The following GPC4 variants were observed in gnomAD, a reference collection of about 807,000 sequenced individuals.
GPC4 encodes the protein glypican-4.
Under a neutral mutation model 35.0 loss-of-function variants are expected in GPC4, and 10 were observed. The ratio of observed to expected loss-of-function variants is 0.29; its 90% CI spans 0.18 to 0.48. The LOEUF (loss-of-function observed/expected upper bound fraction) is 0.48. Among genes scored for constraint, GPC4 ranks in the 20% least tolerant of loss-of-function variants. The pLI, the probability that GPC4 is intolerant of heterozygous loss-of-function variation, is 0.99. For missense variants in GPC4, 322 were observed against 451.3 expected (o/e 0.71, Z 2.60); for synonymous variants, 167 against 170.2 (o/e 0.98, Z 0.15).
At chrX:133,377,877 CTTTTTTT>C (rs59474368) in intron 1 of GPC4, among the ~76,000 whole-genome samples, 3 of 86,192 alleles carry the variant, frequency 3.5e-5, no homozygotes, top group African/African-American at 1.3e-4. Flanking sequence ...TTTTCTTTTT[CTTTTTTT>C]TTTTCTTTTT....
intron 1 of GPC4, chrX:133,414,558 C>A (rs2092431507): frequency 1.3e-6 from 1 of 751,827 alleles, no homozygotes; most frequent in Admixed American, 8.7e-5. Context: ...GACAGTCGCA[C>A]TGGGCAACCC....
intron 1 of GPC4, among the ~76,000 whole-genome samples, chrX:133,367,870 C>A (rs1195186559): frequency 9.0e-6 from 1 of 111,435 alleles, no homozygotes; most frequent in Non-Finnish European, 1.9e-5. Flanking sequence ...CAGACTCTGT[C>A]TCCAAACAAG....
intron 1 of GPC4, among the ~76,000 whole-genome samples, chrX:133,411,801 C>T (rs778245962): frequency 1.3e-3 from 144 of 110,910 alleles, no homozygotes; most frequent in Non-Finnish European, 2.2e-3. Context: ...GATCATGGCA[C>T]CTGGACTCAG....
Position 133,305,809 on chromosome X carries a change from C to T in GPC4, c.1118G>A (p.Arg373His), listed in dbSNP as rs2068287692. ...ACTAGTGCCAGCTGCTGTGGTTGGG[C>T]GTTCCTCGGGGTGATGTGGTCTGAA... ...ARFRPHHPEERPTTAAGTSLD... is the reference protein window; with the variant it reads ...ARFRPHHPEEHPTTAAGTSLD... Residue 373 changes from arginine (R) to histidine (H), a missense_variant, in exon 6 of 9, where the codon CGC becomes CAC. Physicochemically the swap from Arg to His is conservative, Grantham distance 29. Coordinates refer to ENST00000370828, the MANE Select transcript of GPC4 (RefSeq NM_001448.3). 1 of 1,211,784 alleles carries T rather than the reference C, an allele frequency of 8.3e-7. No homozygotes were observed. Among genetic ancestry groups the T allele is most frequent in the Non-Finnish European group, 1.1e-6 (1 of 895,562 alleles).
At chrX:133,410,742 A>T (rs1406825915) in intron 1 of GPC4, among the ~76,000 whole-genome samples, 1 of 112,574 alleles carries the variant, frequency 8.9e-6, no homozygotes, top group Non-Finnish European at 1.9e-5. Context: ...GAAAACAGTA[A>T]TTATGCTGAA....
chrX:133,377,987 C>CG (rs2068643149), intron 1 of GPC4, among the ~76,000 whole-genome samples: 1 of 105,543 alleles, frequency 9.5e-6, no homozygotes, highest in Non-Finnish European at 1.9e-5. Flanking sequence ...TTTAACCTCC[C>CG]GGGTTCACGC....
At chrX:133,403,600 C>A (rs2068774970) in intron 1 of GPC4, among the ~76,000 whole-genome samples, 1 of 111,071 alleles carries the variant, frequency 9.0e-6, no homozygotes, top group Non-Finnish European at 1.9e-5. Context: ...AACAAAAAGT[C>A]ATGCTTAACG....
At chrX:133,361,966 A>T (rs149495048) in intron 1 of GPC4, among the ~76,000 whole-genome samples, 4 of 110,828 alleles carry the variant, frequency 3.6e-5, no homozygotes, top group Admixed American at 1.9e-4. Flanking sequence ...TAATCCCAGC[A>T]CTTTGGGGAG....
At chrX:133,403,395 G>T (rs752400747) in intron 1 of GPC4, among the ~76,000 whole-genome samples, 1 of 110,935 alleles carries the variant, frequency 9.0e-6, no homozygotes, top group African/African-American at 3.3e-5. Flanking sequence ...TTCATGTGGC[G>T]CAAGTGTTAA....
rs182407236 is a variant in GPC4 at position 133,395,815 on chromosome X, G to A, written c.160+18991C>T. Among the ~76,000 whole-genome samples the A allele has an allele frequency of 9.1e-5, 10 of 110,461 alleles. No individual in the cohort carries two copies. The East Asian group carries it at 2.3e-3, about 25-fold the overall frequency. ...GATTTCTATTACTAAAGCAATTAGCGGGCTGATGAAATCATGTTAGCCCCT... is the reference window on the plus strand; with the variant it reads ...GATTTCTATTACTAAAGCAATTAGCAGGCTGATGAAATCATGTTAGCCCCT... On this transcript the variant is annotated intron_variant, in intron 1 of 8. Coordinates refer to ENST00000370828, the MANE Select transcript of GPC4 (RefSeq NM_001448.3).
intron 1 of GPC4, among the ~76,000 whole-genome samples, chrX:133,405,447 A>G (rs966630472): frequency 8.9e-6 from 1 of 112,318 alleles, no homozygotes; most frequent in African/African-American, 3.2e-5. Flanking sequence ...TTAAATCAGA[A>G]TAAGCCAAAC....
At position 133,415,249 on chromosome X, in the gene GPC4, C is replaced by G. The variant is rs1603104381; in HGVS notation, c.-284G>C. 1 of 277,362 alleles carries G rather than the reference C, an allele frequency of 3.6e-6. No individual in the cohort carries two copies. The highest frequency in any genetic ancestry group is 6.3e-5 in the East Asian group (1 of 15,920). The allele number at this position is 277,362 out of a possible 1,213,427, so 22.9% of individuals were successfully genotyped here. ...GGAAGCAGAGGCGCGGGCTGGTGAC[C>G]TCGGGGTTTCGCGGGGCAGCGAACC... On this transcript the variant is annotated 5_prime_UTR_variant, in exon 1 of 9. Coordinates refer to ENST00000370828, the MANE Select transcript of GPC4 (RefSeq NM_001448.3).
Position 133,385,511 on chromosome X carries a change from A to T in GPC4, c.160+29295T>A, listed in dbSNP as rs769218862. Among the ~76,000 whole-genome samples the T allele has an allele frequency of 9.8e-5, 11 of 112,344 alleles. No individual in the cohort carries two copies. The South Asian group carries it at 2.6e-3, about 26-fold the overall frequency. ...CTCACATACATATGGTGCTTAAAGCATCTTCACGTATATTATCATTTTATT... is the reference window on the plus strand; with the variant it reads ...CTCACATACATATGGTGCTTAAAGCTTCTTCACGTATATTATCATTTTATT... On this transcript the variant is annotated intron_variant, in intron 1 of 8. Transcript: ENST00000370828.
intron 1 of GPC4, among the ~76,000 whole-genome samples, chrX:133,393,470 T>C (rs1259102484): frequency 9.7e-6 from 1 of 102,831 alleles, no homozygotes. Flanking sequence ...AGAAAAAGGG[T>C]GAATTTGGGA....
rs1309905408 is a variant in GPC4, at chrX:133,319,486, A to C, written c.711+4659T>G. ...AAAAAAAAAAAGAAAGAAGGAAAGA[A>C]AGAAAGACCTCTTTGTAGACGAGGT... On this transcript the variant is annotated intron_variant, in intron 3 of 8. Coordinates refer to ENST00000370828, the MANE Select transcript of GPC4 (RefSeq NM_001448.3). Among the ~76,000 whole-genome samples, 15 of 107,647 alleles carry C rather than the reference A, an allele frequency of 1.4e-4. No individual in the cohort carries two copies. The Admixed American group carries it at 1.4e-3, about 10-fold the overall frequency. 93.5% of individuals were successfully genotyped at this position (107,647 alleles called of 115,157 possible).
At chrX:133,346,184 G>C (rs2068490553) in intron 1 of GPC4, among the ~76,000 whole-genome samples, 2 of 111,610 alleles carry the variant, frequency 1.8e-5, no homozygotes, top group Admixed American at 9.5e-5. Context: ...TGCAGAAAAA[G>C]GGGGAAGGCG....
intron 3 of GPC4, among the ~76,000 whole-genome samples, chrX:133,323,916 C>A (rs759751916): frequency 2.2e-4 from 24 of 111,333 alleles, no homozygotes; most frequent in African/African-American, 5.9e-4. Flanking sequence ...TACAAAAAAA[C>A]CCCACAATAA....
At chrX:133,394,248 T>A (rs2068732242) in intron 1 of GPC4, among the ~76,000 whole-genome samples, 1 of 109,804 alleles carries the variant, frequency 9.1e-6, no homozygotes, top group Non-Finnish European at 1.9e-5. Context: ...CCAGCCTGGG[T>A]GACAGAGCAA....
At chrX:133,367,291 G>A (rs1405914474) in intron 1 of GPC4, among the ~76,000 whole-genome samples, 2 of 111,527 alleles carry the variant, frequency 1.8e-5, no homozygotes, top group East Asian at 2.8e-4. Flanking sequence ...AGACATTGGG[G>A]TATAGGGCTT....
Sources: gnomAD v4.1 joint callset for allele counts (sites outside exome capture counted in the v4.1 genomes callset) on GRCh38, gnomAD v4.1.1 for gene constraint, MANE v1.5 for transcripts, NCBI Gene and HGNC (gene_info 2026-07-23, HGNC 2026-07-21) for gene names.